BTBD9: variants seen among roughly 807,000 people sequenced by gnomAD.
BTBD9 encodes the protein BTB domain containing 9.
Under a neutral mutation model 64.3 loss-of-function variants are expected in BTBD9, and 49 were observed. That is an observed-to-expected ratio of 0.76 (90% CI 0.61 to 0.97). The LOEUF is 0.97. BTBD9 is among the 50% of genes least tolerant of loss of function. BTBD9 has a pLI of 0.00. For missense variants in BTBD9, 598 were observed against 762.1 expected, an observed-to-expected ratio of 0.78 and a Z score of 2.53; for synonymous variants, 260 against 274.7, an observed-to-expected ratio of 0.95 and a Z score of 0.53.
At chr6:38,313,603 T>A (rs1762925065) in intron 7 of BTBD9, among the ~76,000 whole-genome samples, 1 of 152,232 alleles carries the variant, frequency 6.6e-6, no homozygotes, top group African/African-American at 2.4e-5. Context: ...TAGAATTTTA[T>A]CAAATGCTTT....
chr6:38,204,150 G>T (rs1762560114), intron 9 of BTBD9, among the ~76,000 whole-genome samples: 1 of 152,280 alleles, frequency 6.6e-6, no homozygotes, highest in African/African-American at 2.4e-5. Context: ...GGCCACTTTG[G>T]AAAACAACCT....
chr6:38,320,300 TC>T (rs1426328130), intron 7 of BTBD9, among the ~76,000 whole-genome samples: 2 of 152,200 alleles, frequency 1.3e-5, no homozygotes, highest in Non-Finnish European at 2.9e-5. Context: ...AATTTGGTGT[TC>T]CTGGGGGGAG....
intron 1 of BTBD9, among the ~76,000 whole-genome samples, chr6:38,609,421 A>G (rs936626691): frequency 4.6e-5 from 7 of 152,182 alleles, no homozygotes; most frequent in African/African-American, 1.4e-4. Flanking sequence ...CTTTTCCTAT[A>G]AAACTATCAG....
chr6:38,465,722 T>C (rs1483214822), intron 6 of BTBD9, among the ~76,000 whole-genome samples: 1 of 42,518 alleles, frequency 2.4e-5, no homozygotes, highest in Non-Finnish European at 4.6e-5. Flanking sequence ...TATATATATA[T>C]ATATATATAT....
rs746738115 is a variant in BTBD9 at position 38,175,055 on chromosome 6, G to A, written c.1769C>T (p.Ala590Val). 74 of 1,614,052 alleles carry A rather than the reference G, an allele frequency of 4.6e-5. No individual in the cohort carries two copies. The highest frequency in any genetic ancestry group is 1.6e-4 in the Middle Eastern group (1 of 6,084). The change falls in exon 11 of 11, where the codon GCG becomes GTG. Residue 590 changes from alanine (A) to valine (V), a missense_variant. Ala to Val is a moderately conservative substitution (Grantham distance 64, BLOSUM62 0). Coordinates refer to ENST00000481247, the MANE Select transcript of BTBD9 (RefSeq NM_001099272.2). ...GGAGGGTAGTGAGCTGCCACTAGGC[G>A]CCCGCAGCGCATGGGAGTCGAGCTG... ...GQQLDSHALR[A>V]PSGSSLPSSP...
intron 6 of BTBD9, among the ~76,000 whole-genome samples, chr6:38,570,082 T>A (rs1775693245): frequency 6.6e-6 from 1 of 152,138 alleles, no homozygotes; most frequent in African/African-American, 2.4e-5. Flanking sequence ...CATACCTAGA[T>A]AAAGGATTGC....
chr6:38,525,669 A>C (rs1006764006), intron 6 of BTBD9, among the ~76,000 whole-genome samples: 1 of 152,190 alleles, frequency 6.6e-6, no homozygotes, highest in Non-Finnish European at 1.5e-5. Context: ...TGAGGAACTT[A>C]CTGGGAAATG....
At chr6:38,245,614 T>A (rs1199328054) in intron 9 of BTBD9, among the ~76,000 whole-genome samples, 1 of 152,096 alleles carries the variant, frequency 6.6e-6, no homozygotes, top group Non-Finnish European at 1.5e-5. Flanking sequence ...CAGGAAGCAG[T>A]GCAGGGTCCT....
chr6:38,440,339 G>C (rs1204800094), intron 6 of BTBD9, among the ~76,000 whole-genome samples: 1 of 152,190 alleles, frequency 6.6e-6, no homozygotes, highest in Non-Finnish European at 1.5e-5. Context: ...GAGAAGAGAG[G>C]TGTCCTGGAA....
chr6:38,551,382 T>G (rs73412315), intron 6 of BTBD9, among the ~76,000 whole-genome samples: 2,238 of 152,188 alleles, frequency 0.015, 53 homozygotes, highest in African/African-American at 0.051. Flanking sequence ...TAGAAGCAGT[T>G]TGGTTTGGTT....
At chr6:38,359,977 T>G (rs1764885981) in intron 6 of BTBD9, among the ~76,000 whole-genome samples, 1 of 151,378 alleles carries the variant, frequency 6.6e-6, no homozygotes, top group Non-Finnish European at 1.5e-5. Context: ...CTATACAAGA[T>G]CCTATCTTTT....
intron 1 of BTBD9, among the ~76,000 whole-genome samples, chr6:38,628,624 T>A (rs972837315): frequency 5.3e-5 from 8 of 152,042 alleles, no homozygotes; most frequent in Admixed American, 3.9e-4. Context: ...AATATAGATA[T>A]ACAAAAATAT....
At chr6:38,194,276 C>A (rs1424047335) in intron 9 of BTBD9, among the ~76,000 whole-genome samples, 1 of 152,148 alleles carries the variant, frequency 6.6e-6, no homozygotes, top group East Asian at 1.9e-4. Flanking sequence ...AAGGGAGCAG[C>A]CCCTGGCCAA....
chr6:38,267,789 A>C (rs565045208), intron 8 of BTBD9, among the ~76,000 whole-genome samples: 1 of 152,202 alleles, frequency 6.6e-6, no homozygotes, highest in South Asian at 2.1e-4. Flanking sequence ...AAATACAAAA[A>C]ATTAGCTGGG....
intron 6 of BTBD9, among the ~76,000 whole-genome samples, chr6:38,410,590 C>T (rs1264073902): frequency 6.6e-6 from 1 of 152,168 alleles, no homozygotes; most frequent in East Asian, 1.9e-4. Flanking sequence ...TTTAAATGAA[C>T]AGCTCTAAAA....
chr6:38,312,908 T>C (rs947189014), intron 7 of BTBD9, among the ~76,000 whole-genome samples: 4 of 152,210 alleles, frequency 2.6e-5, no homozygotes, highest in African/African-American at 7.2e-5. Context: ...TGGTTCCATA[T>C]AAATTTTAGG....
intron 6 of BTBD9, among the ~76,000 whole-genome samples, chr6:38,522,225 T>C (rs2127420688): frequency 6.6e-6 from 1 of 152,280 alleles, no homozygotes; most frequent in South Asian, 2.1e-4. Context: ...CTCTACTGGC[T>C]TTTCTCTCTC....
At chr6:38,584,829 T>TC (rs1776442295) in intron 4 of BTBD9, among the ~76,000 whole-genome samples, 1 of 152,110 alleles carries the variant, frequency 6.6e-6, no homozygotes. Flanking sequence ...TCCCCCTTTT[T>TC]CCCACTCTCT....
At chr6:38,205,418 A>C (rs1165988296) in intron 9 of BTBD9, among the ~76,000 whole-genome samples, 4 of 152,210 alleles carry the variant, frequency 2.6e-5, no homozygotes, top group African/African-American at 9.6e-5. Flanking sequence ...CTTCCTTCTA[A>C]ATGCTGAGGG....
Sources: allele counts gnomAD v4.1 joint callset (sites outside exome capture counted in the v4.1 genomes callset), GRCh38; gene constraint gnomAD v4.1.1; transcripts MANE v1.5; gene names NCBI Gene and HGNC (gene_info 2026-07-23, HGNC 2026-07-21).